STOX2: variants seen among roughly 807,000 people sequenced by gnomAD.
The protein encoded by STOX2 is storkhead-box protein 2.
Under a neutral mutation model 60.9 loss-of-function variants are expected in STOX2, and 28 were observed. The observed-to-expected ratio is 0.46, with a 90% CI of 0.34 to 0.63. The LOEUF (loss-of-function observed/expected upper bound fraction) is 0.63, where lower values mean the gene tolerates loss of function less well. Ranked by LOEUF, STOX2 falls within the 30% of genes least tolerant of loss-of-function variation. The pLI is 0.01. For missense variants in STOX2, 1,024 were observed against 1,187.7 expected (o/e 0.86, Z 2.03); for synonymous variants, 472 against 463.9 (o/e 1.02, Z -0.22).
chr4:183,846,816 C>A (rs1462761911), intron 1 of STOX2, among the ~76,000 whole-genome samples: 1 of 151,914 alleles, frequency 6.6e-6, no homozygotes, highest in Non-Finnish European at 1.5e-5. Context: ...GTCATACTTT[C>A]TTGCATGCCT....
intron 1 of STOX2, among the ~76,000 whole-genome samples, chr4:183,895,789 C>T (rs746867685): frequency 2.8e-4 from 42 of 152,242 alleles, no homozygotes; most frequent in South Asian, 6.2e-4. Flanking sequence ...AGTCGTACAC[C>T]GCCAGGGAAG....
At chr4:183,965,912 C>T (rs1560909069) in intron 1 of STOX2, among the ~76,000 whole-genome samples, 1 of 152,132 alleles carries the variant, frequency 6.6e-6, no homozygotes, top group Non-Finnish European at 1.5e-5. Flanking sequence ...TGTCATGTGG[C>T]TGCCCCAGTG....
At chr4:183,910,743 A>G (rs1741753818) in intron 1 of STOX2, among the ~76,000 whole-genome samples, 1 of 152,240 alleles carries the variant, frequency 6.6e-6, no homozygotes, top group Non-Finnish European at 1.5e-5. Flanking sequence ...CGTTTTTAAT[A>G]CTACGGTTTT....
chr4:184,004,431 C>T (rs975095254), intron 2 of STOX2, among the ~76,000 whole-genome samples: 2 of 152,130 alleles, frequency 1.3e-5, no homozygotes, highest in African/African-American at 4.8e-5. Flanking sequence ...AACCCCGTCT[C>T]TACTAAAAAT....
chr4:184,019,769 C>T lies in STOX2; in HGVS notation c.*2485C>T, dbSNP rs1734504599. ...GCAGATGTTGCATATAAAAATATTCCTGCCTGAATCTGATCGAGATTCTTG... is the reference window on the plus strand; with the variant it reads ...GCAGATGTTGCATATAAAAATATTCTTGCCTGAATCTGATCGAGATTCTTG... On this transcript the variant is annotated 3_prime_UTR_variant, in exon 4 of 4. Transcript: ENST00000308497. 1 of 152,112 alleles carries T rather than the reference C, an allele frequency of 6.6e-6. No individual in the cohort carries two copies. Among genetic ancestry groups the T allele is most frequent in the South Asian group, 2.1e-4 (1 of 4,818 alleles). 9.4% of individuals were successfully genotyped at this position (152,112 alleles called of 1,614,324 possible).
chr4:184,007,286 C>G (rs1733913548), intron 2 of STOX2, among the ~76,000 whole-genome samples: 1 of 152,202 alleles, frequency 6.6e-6, no homozygotes, highest in Non-Finnish European at 1.5e-5. Flanking sequence ...CTTGAGAATC[C>G]CAGGCCATTT....
At chr4:183,798,760 C>G (rs1738692220) in intron 1 of STOX2, 4 of 985,390 alleles carry the variant, frequency 4.1e-6, no homozygotes, top group Non-Finnish European at 4.8e-6. Context: ...CAGAGTCGCC[C>G]AGAGGTGAAG....
At chr4:183,808,786 T>C (rs1321592469) in intron 1 of STOX2, among the ~76,000 whole-genome samples, 1 of 152,188 alleles carries the variant, frequency 6.6e-6, no homozygotes, top group East Asian at 1.9e-4. Context: ...TTCTTCATTC[T>C]GTTAGATCAG....
rs1371904259 is a variant in STOX2 at position 183,865,001 on chromosome 4, A to G, written c.364+66946A>G. Among the ~76,000 whole-genome samples the G allele has an allele frequency of 1.3e-5, 2 of 152,196 alleles. No homozygotes were observed. The highest frequency in any genetic ancestry group is 1.3e-4 in the Admixed American group (2 of 15,280). On this transcript the variant is annotated intron_variant, in intron 1 of 2. Coordinates refer to the STOX2 transcript ENST00000513034. The surrounding 1 kb of genome is among the most constrained non-coding windows in gnomAD (Gnocchi z 4.1). Reference sequence around the variant, plus strand: ...TTCTTCTGCTCCGGTATGAAAGATCACAGTTCTCCAAATCCCAGTTACCCT... The same window carrying G: ...TTCTTCTGCTCCGGTATGAAAGATCGCAGTTCTCCAAATCCCAGTTACCCT...
At chr4:183,979,580 T>A (rs1732575558) in intron 1 of STOX2, among the ~76,000 whole-genome samples, 1 of 152,190 alleles carries the variant, frequency 6.6e-6, no homozygotes, top group Non-Finnish European at 1.5e-5. Flanking sequence ...TATTGAGCAC[T>A]TGAAATAATA....
chr4:183,885,743 A>T (rs1486812758), intron 1 of STOX2, among the ~76,000 whole-genome samples: 2 of 151,776 alleles, frequency 1.3e-5, no homozygotes, highest in African/African-American at 4.8e-5. Flanking sequence ...GCTTTGCAGG[A>T]CCTCCTCTTT....
Position 184,017,724 on chromosome 4 carries a change from AAAAAAAAAAAAC to A in STOX2, c.*447_*458del, listed in dbSNP as rs1218488253. 1.3e-5 allele frequency: 2 copies of A among 148,780 alleles called. No homozygotes were observed. The highest frequency in any genetic ancestry group is 5.0e-5 in the African/African-American group (2 of 40,148). The allele number at this position is 148,780 out of a possible 1,614,324, so 9.2% of individuals were successfully genotyped here. A position where few individuals can be genotyped will look rare whatever the true frequency, so the allele number is the denominator to read the frequency against. On this transcript the variant is annotated 3_prime_UTR_variant, in exon 4 of 4. Coordinates refer to ENST00000308497, the MANE Select transcript of STOX2 (RefSeq NM_020225.3). ...AAACAAAACAAAACAAAAAAAATTT[AAAAAAAAAAAAC>A]AAAAAACAAAACTAAGCTACCACGA...
intron 1 of STOX2, among the ~76,000 whole-genome samples, chr4:183,933,138 A>G (rs1742485315): frequency 1.3e-5 from 2 of 152,154 alleles, no homozygotes; most frequent in Admixed American, 1.3e-4. Flanking sequence ...CAATAGAAAA[A>G]TTTCTCTTTA....
At chr4:184,008,604 A>G (rs1403106104) in intron 2 of STOX2, among the ~76,000 whole-genome samples, 1 of 152,254 alleles carries the variant, frequency 6.6e-6, no homozygotes, top group Non-Finnish European at 1.5e-5. Flanking sequence ...GATACATCAT[A>G]AACAGTAGTC....
chr4:183,842,872 G>A (rs942295557), intron 1 of STOX2, among the ~76,000 whole-genome samples: 1 of 151,632 alleles, frequency 6.6e-6, no homozygotes. Flanking sequence ...TATTCAGGCC[G>A]GGTGTGGTGG....
At chr4:183,967,661 T>G (rs920148053) in intron 1 of STOX2, among the ~76,000 whole-genome samples, 4 of 152,188 alleles carry the variant, frequency 2.6e-5, no homozygotes, top group African/African-American at 4.8e-5. Flanking sequence ...TGTTCGGGTT[T>G]CCTGCAATCA....
At chr4:183,828,718 C>A (rs1426208835) in intron 1 of STOX2, among the ~76,000 whole-genome samples, 4 of 152,154 alleles carry the variant, frequency 2.6e-5, no homozygotes, top group Non-Finnish European at 5.9e-5. Context: ...ATTCAGATAA[C>A]TGAAAAAATG....
chr4:183,943,598 G>A (rs1289280049), intron 1 of STOX2, among the ~76,000 whole-genome samples: 2 of 152,206 alleles, frequency 1.3e-5, no homozygotes, highest in South Asian at 2.1e-4. Context: ...AAATAGAAGT[G>A]CAGAATCATT....
chr4:183,893,642 T>C (rs1290491433), intron 1 of STOX2, among the ~76,000 whole-genome samples: 1 of 152,186 alleles, frequency 6.6e-6, no homozygotes, highest in African/African-American at 2.4e-5. Flanking sequence ...TATAAAAGTG[T>C]ATATTTCACA....
Sources: gnomAD v4.1 joint callset for allele counts (sites outside exome capture counted in the v4.1 genomes callset) on GRCh38, gnomAD v4.1.1 for gene constraint, Gnocchi (gnomAD v3.1) non-coding constraint, MANE v1.5 for transcripts, NCBI Gene and HGNC (gene_info 2026-07-23, HGNC 2026-07-21) for gene names.